Variants in GPM6A observed in about 807,000 individuals in gnomAD.
GPM6A encodes the protein neuronal membrane glycoprotein M6-a.
A neutral mutation model predicts 32.1 loss-of-function variants in GPM6A; 7 were observed. The ratio of observed to expected loss-of-function variants is 0.22; its 90% CI spans 0.12 to 0.41. The LOEUF (loss-of-function observed/expected upper bound fraction) is 0.41. Among genes scored for constraint, GPM6A ranks in the 10% least tolerant of loss-of-function variants. The pLI, the probability that GPM6A is intolerant of heterozygous loss-of-function variation, is 1.00. For synonymous variants in GPM6A, 130 were observed against 123.4 expected (o/e 1.05, Z -0.35); for missense variants, 235 against 347.2 (o/e 0.68, Z 2.57).
intron 1 of GPM6A, among the ~76,000 whole-genome samples, chr4:175,706,694 A>C (rs1432530295): frequency 6.6e-6 from 1 of 152,192 alleles, no homozygotes; most frequent in Non-Finnish European, 1.5e-5. Context: ...AAACCAAAGC[A>C]ACTCCATCTT....
intron 1 of GPM6A, among the ~76,000 whole-genome samples, chr4:175,996,481 T>C (rs181014881): frequency 5.9e-4 from 90 of 152,328 alleles, no homozygotes; most frequent in African/African-American, 2.1e-3. Flanking sequence ...CTAATTGACC[T>C]ACATTCCAGT....
intron 1 of GPM6A, among the ~76,000 whole-genome samples, chr4:175,731,680 T>G (rs1426131891): frequency 6.6e-6 from 1 of 152,212 alleles, no homozygotes; most frequent in Non-Finnish European, 1.5e-5. Flanking sequence ...CTGAATAACT[T>G]TTTTAAAAAG....
chr4:175,749,944 C>T (rs1325241537), intron 1 of GPM6A, among the ~76,000 whole-genome samples: 2 of 152,194 alleles, frequency 1.3e-5, no homozygotes. Flanking sequence ...TGCCATTTCA[C>T]ACTTGGCCTA....
chr4:175,760,361 G>T (rs1303974235), intron 1 of GPM6A, among the ~76,000 whole-genome samples: 1 of 152,080 alleles, frequency 6.6e-6, no homozygotes, highest in Non-Finnish European at 1.5e-5. Context: ...GAAGAAGCAG[G>T]TGTATAAGAT....
intron 1 of GPM6A, among the ~76,000 whole-genome samples, chr4:175,938,092 C>A (rs1739295003): frequency 6.6e-6 from 1 of 152,014 alleles, no homozygotes; most frequent in Non-Finnish European, 1.5e-5. Context: ...TAATTTATTA[C>A]ATTATTAAAA....
intron 1 of GPM6A, among the ~76,000 whole-genome samples, chr4:175,868,075 G>A (rs563420231): frequency 4.9e-4 from 74 of 152,184 alleles, no homozygotes; most frequent in African/African-American, 1.7e-3. Flanking sequence ...GGTTTCTCTC[G>A]AGCTTTTGGT....
chr4:175,742,397 C>T (rs769747144), intron 1 of GPM6A, among the ~76,000 whole-genome samples: 2 of 152,036 alleles, frequency 1.3e-5, no homozygotes, highest in African/African-American at 2.4e-5. Context: ...ACTGAGATGC[C>T]ACATACAGAA....
At chr4:175,942,696 G>A (rs1739451525) in intron 1 of GPM6A, among the ~76,000 whole-genome samples, 1 of 152,042 alleles carries the variant, frequency 6.6e-6, no homozygotes, top group African/African-American at 2.4e-5. Context: ...GTAGAAGTGT[G>A]GCGTTATTTC....
intron 1 of GPM6A, among the ~76,000 whole-genome samples, chr4:175,793,620 C>A (rs1169982298): frequency 6.6e-6 from 1 of 152,140 alleles, no homozygotes; most frequent in African/African-American, 2.4e-5. Context: ...AGTTGATTCG[C>A]CTGCCTCGGC....
At chr4:175,767,021 T>A (rs549485067) in intron 1 of GPM6A, among the ~76,000 whole-genome samples, 8 of 152,218 alleles carry the variant, frequency 5.3e-5, no homozygotes, top group African/African-American at 1.9e-4. Flanking sequence ...AATGAGCCAA[T>A]CCATTGTTTC....
At chr4:175,672,927 T>C (rs181139971) in intron 3 of GPM6A, among the ~76,000 whole-genome samples, 19 of 152,298 alleles carry the variant, frequency 1.2e-4, no homozygotes, top group Non-Finnish European at 2.5e-4. Flanking sequence ...TTCTGTGAGA[T>C]TGAAGTAATT....
chr4:175,984,986 G>A (rs543658036), intron 1 of GPM6A, among the ~76,000 whole-genome samples: 1 of 152,276 alleles, frequency 6.6e-6, no homozygotes, highest in Admixed American at 6.5e-5. Flanking sequence ...CTAAACCACA[G>A]TTGTAATTAC....
intron 1 of GPM6A, among the ~76,000 whole-genome samples, chr4:175,956,431 T>G (rs558299899): frequency 6.6e-6 from 1 of 152,376 alleles, no homozygotes; most frequent in South Asian, 2.1e-4. Context: ...ATTTCTATTT[T>G]TAATCTCTTC....
At chr4:175,787,409 AG>A in intron 1 of GPM6A, 1 of 1,534,546 alleles carries the variant, frequency 6.5e-7, no homozygotes, top group Middle Eastern at 1.7e-4. Context: ...CCTTGATTCA[AG>A]GGCATAAGCT....
intron 1 of GPM6A, among the ~76,000 whole-genome samples, chr4:175,978,464 T>C (rs572064161): frequency 6.6e-6 from 1 of 152,292 alleles, no homozygotes; most frequent in South Asian, 2.1e-4. Context: ...CATTTAGTAT[T>C]TTCTTTTAGA....
In GPM6A at chr4:175,804,774, G is replaced by C. The variant is rs572392689; in HGVS notation, c.37+7417C>G. On this transcript the variant is annotated intron_variant, in intron 1 of 6. Transcript: ENST00000393658. ...TTAAAAATGAAAGTGGGCCGGGCTC[G>C]GTGGCTCACGCCTGTAATCCCAGCA... Among the ~76,000 whole-genome samples the C allele has an allele frequency of 3.3e-5, 5 of 152,164 alleles. No individual in the cohort carries two copies. In the South Asian group the frequency reaches 8.3e-4, roughly 25 times the overall value.
At chr4:175,880,511 AT>A (rs1737237234) in intron 1 of GPM6A, among the ~76,000 whole-genome samples, 1 of 152,276 alleles carries the variant, frequency 6.6e-6, no homozygotes, top group South Asian at 2.1e-4. Flanking sequence ...GATTCTTCCT[AT>A]CCATGAGCAT....
chr4:175,999,267 A>G (rs973924397), intron 1 of GPM6A, among the ~76,000 whole-genome samples: 4 of 152,188 alleles, frequency 2.6e-5, no homozygotes, highest in African/African-American at 9.7e-5. Context: ...TATCTTTCCA[A>G]TGGGGCCTGA....
intron 1 of GPM6A, among the ~76,000 whole-genome samples, chr4:175,938,613 A>G (rs1739313148): frequency 6.6e-6 from 1 of 151,776 alleles, no homozygotes; most frequent in South Asian, 2.1e-4. Flanking sequence ...TTTCTTGTAA[A>G]TTTGTTTATT....
Sources: gnomAD v4.1 joint callset for allele counts (sites outside exome capture counted in the v4.1 genomes callset) on GRCh38, gnomAD v4.1.1 for gene constraint, MANE v1.5 for transcripts, NCBI Gene and HGNC (gene_info 2026-07-23, HGNC 2026-07-21) for gene names.